The following FAM124B variants were observed in gnomAD, a reference collection of about 807,000 sequenced individuals.
The protein encoded by FAM124B is protein FAM124B.
In FAM124B, 18 loss-of-function variants were observed where a neutral mutation model predicts 19.7. The observed-to-expected ratio is 0.92, with a 90% CI of 0.63 to 1.36. The LOEUF (loss-of-function observed/expected upper bound fraction) is 1.36, where lower values mean the gene tolerates loss of function less well. Ranked by LOEUF, FAM124B falls within the 40% of genes most tolerant of loss-of-function variation. The probability of loss-of-function intolerance (pLI) is 0.00; values close to 1 mark genes in which losing one functional copy is unlikely to be tolerated. For missense variants in FAM124B, 540 were observed against 553.3 expected, an observed-to-expected ratio of 0.98 and a Z score of 0.24; for synonymous variants, 223 against 225.2, an observed-to-expected ratio of 0.99 and a Z score of 0.09.
At position 224,379,924 on chromosome 2, in the gene FAM124B, A is replaced by G. The variant is rs1189088868; in HGVS notation, c.1017T>C (p.Leu339=). 1 of 1,551,850 alleles carries G rather than the reference A, an allele frequency of 6.4e-7. No individual in the cohort carries two copies. Among genetic ancestry groups the G allele is most frequent in the Admixed American group, 2.0e-5 (1 of 51,010 alleles). ...GAHLHLSSHH[L]ESGARMKVLN... ...GGACCTTCATTCTGGCCCCGGATTC[A>G]AGGTGATGAGAAGACAGGTGCAGGT... Residue 339 remains leucine (L), a synonymous_variant, in exon 2 of 2, where the codon CTT becomes CTC. Transcript: ENST00000409685.
chr2:224,399,543 G>A (rs1009835963), intron 1 of FAM124B: 1 of 152,080 alleles, frequency 6.6e-6, no homozygotes, highest in African/African-American at 2.4e-5. Flanking sequence ...ATTTCTTAAG[G>A]ACAGAAGCCA....
At chr2:224,386,418 A>G (rs1689800913) in intron 1 of FAM124B, among the ~76,000 whole-genome samples, 1 of 152,170 alleles carries the variant, frequency 6.6e-6, no homozygotes. Flanking sequence ...TCTGCCACTT[A>G]TTAGCAGTAG....
chr2:224,383,708 G>A (rs775489845), intron 1 of FAM124B, among the ~76,000 whole-genome samples: 9 of 152,044 alleles, frequency 5.9e-5, no homozygotes, highest in African/African-American at 1.4e-4. Flanking sequence ...TACTATCTCC[G>A]AAATGTCAGC....
intron 1 of FAM124B, among the ~76,000 whole-genome samples, chr2:224,387,645 G>A (rs943294987): frequency 2.6e-5 from 4 of 152,110 alleles, no homozygotes; most frequent in African/African-American, 7.2e-5. Flanking sequence ...TCTGAGCAAT[G>A]CCTCTTTCAC....
At chr2:224,399,144 C>T (rs1266607373) in intron 1 of FAM124B, among the ~76,000 whole-genome samples, 1 of 152,200 alleles carries the variant, frequency 6.6e-6, no homozygotes, top group Admixed American at 6.5e-5. Context: ...TCCAAAGTAA[C>T]TAAGTTGTTT....
At chr2:224,400,489 G>C in intron 1 of FAM124B, 1 of 696,446 alleles carries the variant, frequency 1.4e-6, no homozygotes, top group Admixed American at 2.0e-5. Flanking sequence ...CTGGGCAACA[G>C]AGGAAGACTC....
At chr2:224,392,960 C>G (rs997250619) in intron 1 of FAM124B, among the ~76,000 whole-genome samples, 1 of 152,102 alleles carries the variant, frequency 6.6e-6, no homozygotes, top group Admixed American at 6.5e-5. Context: ...TCAGTCTCAC[C>G]AGCCATATTT....
intron 1 of FAM124B, among the ~76,000 whole-genome samples, chr2:224,389,637 G>A (rs1689849444): frequency 6.6e-6 from 1 of 152,124 alleles, no homozygotes; most frequent in Non-Finnish European, 1.5e-5. Context: ...GCGGGGAGAG[G>A]AGGGCTGCAG....
chr2:224,397,046 TCTCTC>T (rs1689983456), intron 1 of FAM124B, among the ~76,000 whole-genome samples: 1 of 152,178 alleles, frequency 6.6e-6, no homozygotes, highest in Admixed American at 6.5e-5. Context: ...TTTCTTCTCT[TCTCTC>T]CTCTTTTCTT....
At position 224,380,016 on chromosome 2, in the gene FAM124B, AC is replaced by A. The variant is rs758065974; in HGVS notation, c.924del (p.Arg308SerfsTer38). On this transcript the variant is annotated frameshift_variant, in exon 2 of 2. Coordinates refer to ENST00000409685, the MANE Select transcript of FAM124B (RefSeq NM_001122779.2). LOFTEE classifies it low-confidence loss of function (END_TRUNC). ...PEPSGSPTSD[R>X]CAGTSWKSPG... ...GGGCTTTTCCACGAAGTGCCAGCAC[AC>A]CTGTCTGATGTGGGGCTCCCACTGG... 2.6e-6 allele frequency: 4 copies of A among 1,551,650 alleles called. No homozygotes were observed. Among genetic ancestry groups the A allele is most frequent in the Non-Finnish European group, 3.5e-6 (4 of 1,146,988 alleles).
chr2:224,380,039 C>T lies in FAM124B; in HGVS notation c.902G>A (p.Ser301Asn). 1 of 1,551,720 alleles carries T rather than the reference C, an allele frequency of 6.4e-7. No individual in the cohort carries two copies. The highest frequency in any genetic ancestry group is 1.2e-5 in the South Asian group (1 of 84,062). The change falls in exon 2 of 2, where the codon AGT becomes AAT. Residue 301 changes from serine (S) to asparagine (N), a missense_variant. Coordinates refer to ENST00000409685, the MANE Select transcript of FAM124B (RefSeq NM_001122779.2). ...ACACCTGTCTGATGTGGGGCTCCCA[C>T]TGGGCTCAGGAAGCTCCAGAGAATG... ...QGHSLELPEP[S>N]GSPTSDRCAG...
chr2:224,397,709 C>T (rs1407784535), intron 1 of FAM124B, among the ~76,000 whole-genome samples: 2 of 152,176 alleles, frequency 1.3e-5, no homozygotes, highest in East Asian at 3.8e-4. Context: ...AAAGGTGACT[C>T]TCATTATGTT....
intron 1 of FAM124B, among the ~76,000 whole-genome samples, chr2:224,391,341 C>CAAA (rs754536476): frequency 6.5e-4 from 44 of 67,368 alleles, no homozygotes; most frequent in African/African-American, 1.9e-3. Context: ...ACTCTTGTCT[C>CAAA]AAAAAAAAAA....
rs576214428 is a variant in FAM124B at position 224,380,018 on chromosome 2, C to A, written c.923G>T (p.Arg308Met). The part of the protein sequence containing the change: ...PEPSGSPTSD[R>M]CAGTSWKSPG... ...GCTTTTCCACGAAGTGCCAGCACAC[C>A]TGTCTGATGTGGGGCTCCCACTGGG... is the stretch of plus-strand genomic sequence containing the variant. The change falls in exon 2 of 2, where the codon AGG becomes ATG. Residue 308 changes from arginine (R) to methionine (M), a missense_variant. Physicochemically the swap from Arg to Met is moderately conservative, Grantham distance 91. Transcript: ENST00000409685. The A allele has an allele frequency of 6.4e-7, 1 of 1,551,696 alleles. No homozygotes were observed. Among genetic ancestry groups the A allele is most frequent in the Non-Finnish European group, 8.7e-7 (1 of 1,147,000 alleles).
chr2:224,384,018 C>T (rs982537461), intron 1 of FAM124B, among the ~76,000 whole-genome samples: 5 of 152,188 alleles, frequency 3.3e-5, no homozygotes, highest in East Asian at 1.9e-4. Context: ...CCTGAGTAAT[C>T]GCCCCTTGCC....
intron 1 of FAM124B, among the ~76,000 whole-genome samples, chr2:224,394,528 T>C (rs1285833228): frequency 6.6e-6 from 1 of 152,196 alleles, no homozygotes; most frequent in Non-Finnish European, 1.5e-5. Flanking sequence ...AAGTCCCCTC[T>C]GAAGTGGTCA....
intron 1 of FAM124B, among the ~76,000 whole-genome samples, chr2:224,397,842 GACT>G (rs1689998425): frequency 6.6e-6 from 1 of 152,208 alleles, no homozygotes; most frequent in Non-Finnish European, 1.5e-5. Context: ...TTCAAGAGGT[GACT>G]GGGGTGCTAT....
chr2:224,379,508 T>C lies in FAM124B; in HGVS notation c.*65A>G, dbSNP rs550411576. Reference sequence around the variant, plus strand: ...GAACAACTAACAGGCTGATTCTGGGTCAGTACTCCATTTCTAGAACATTTT... The same window carrying C: ...GAACAACTAACAGGCTGATTCTGGGCCAGTACTCCATTTCTAGAACATTTT... On this transcript the variant is annotated 3_prime_UTR_variant, in exon 2 of 2. Coordinates refer to ENST00000409685, the MANE Select transcript of FAM124B (RefSeq NM_001122779.2). 9 of 1,466,110 alleles carry C rather than the reference T, an allele frequency of 6.1e-6. No individual in the cohort carries two copies. The East Asian group carries it at 2.0e-4, about 32-fold the overall frequency. 90.8% of individuals were successfully genotyped at this position (1,466,110 alleles called of 1,614,324 possible).
At chr2:224,395,879 G>A (rs741534) in intron 1 of FAM124B, among the ~76,000 whole-genome samples, 17 of 151,956 alleles carry the variant, frequency 1.1e-4, no homozygotes, top group Admixed American at 2.6e-4. Context: ...CAATTGCACC[G>A]CAGTTACATG....
Sources: allele counts gnomAD v4.1 joint callset (sites outside exome capture counted in the v4.1 genomes callset), GRCh38; gene constraint gnomAD v4.1.1; transcripts MANE v1.5; gene names NCBI Gene and HGNC (gene_info 2026-07-23, HGNC 2026-07-21).